Variants in CAPZB observed in about 807,000 individuals in gnomAD.
CAPZB encodes capping actin protein of muscle Z-line subunit beta, also known as F-actin-capping protein subunit beta.
In CAPZB, 2 loss-of-function variants were observed where a neutral mutation model predicts 38.1. The ratio of observed to expected loss-of-function variants is 0.05; its 90% CI spans 0.02 to 0.17. The LOEUF (loss-of-function observed/expected upper bound fraction) is 0.17, where lower values mean the gene tolerates loss of function less well. Among genes scored for constraint, CAPZB ranks in the 10% least tolerant of loss-of-function variants. The pLI is 1.00. For synonymous variants in CAPZB, 107 were observed against 127.4 expected, an observed-to-expected ratio of 0.84 and a Z score of 1.08; for missense variants, 161 against 334.2, an observed-to-expected ratio of 0.48 and a Z score of 4.04.
chr1:19,438,760 C>T (rs1340346031), intron 1 of CAPZB, among the ~76,000 whole-genome samples: 1 of 152,220 alleles, frequency 6.6e-6, no homozygotes, highest in African/African-American at 2.4e-5. Context: ...GATCTCAGCT[C>T]TCTAACACAG....
At chr1:19,406,716 A>G (rs2094334253) in intron 2 of CAPZB, among the ~76,000 whole-genome samples, 1 of 152,156 alleles carries the variant, frequency 6.6e-6, no homozygotes, top group South Asian at 2.1e-4. Flanking sequence ...TAAAAGATCA[A>G]CCTTGTGGTG....
intron 1 of CAPZB, among the ~76,000 whole-genome samples, chr1:19,427,944 T>A (rs1191760953): frequency 1.3e-5 from 2 of 152,224 alleles, no homozygotes; most frequent in East Asian, 3.8e-4. Context: ...AACATAAAAG[T>A]AACCATTCTA....
intron 2 of CAPZB, among the ~76,000 whole-genome samples, chr1:19,401,911 T>C (rs1294096369): frequency 6.6e-6 from 1 of 152,222 alleles, no homozygotes; most frequent in Non-Finnish European, 1.5e-5. Context: ...AAACAGCTAA[T>C]ACCCTTCAAT....
intron 2 of CAPZB, among the ~76,000 whole-genome samples, chr1:19,403,285 C>T (rs2094313124): frequency 6.6e-6 from 1 of 152,190 alleles, no homozygotes; most frequent in Non-Finnish European, 1.5e-5. Flanking sequence ...AGATCCCTGC[C>T]CTCCAAGAGC....
Position 19,484,321 on chromosome 1 carries a change from C to CG in CAPZB, c.3+1114_3+1115insC, listed in dbSNP as rs397727565. On this transcript the variant is annotated intron_variant, in intron 1 of 8. Transcript: ENST00000264202. ...GCTGGATCCAGGGCCTGGTGGCCCCCCAAGGCCACGGCCTCACAAGGGCGA... is the reference window on the plus strand; with the variant it reads ...GCTGGATCCAGGGCCTGGTGGCCCCCGCAAGGCCACGGCCTCACAAGGGCGA... The CG allele has an allele frequency of 1.4e-5, 23 of 1,593,640 alleles. No homozygotes were observed. In the African/African-American group the frequency reaches 1.5e-4, roughly 10 times the overall value.
chr1:19,381,278 G>A (rs542499724), intron 3 of CAPZB, among the ~76,000 whole-genome samples: 33 of 137,440 alleles, frequency 2.4e-4, no homozygotes, highest in Non-Finnish European at 3.9e-4. Flanking sequence ...CACCACAACA[G>A]AACCAACCAC....
intron 2 of CAPZB, among the ~76,000 whole-genome samples, chr1:19,410,781 T>C (rs2094354003): frequency 6.6e-6 from 1 of 152,194 alleles, no homozygotes; most frequent in African/African-American, 2.4e-5. Context: ...ATTTAAGAAA[T>C]GGCATACTAT....
chr1:19,436,693 A>G lies in CAPZB; in HGVS notation c.4-16943T>C, dbSNP rs771529509. Among the ~76,000 whole-genome samples the G allele has an allele frequency of 1.2e-3, 183 of 152,326 alleles. 6 individuals carry two copies. The highest frequency in any genetic ancestry group is 4.8e-4 in the Non-Finnish European group (33 of 68,046). The stretch of plus-strand genomic sequence containing the variant: ...AGCTAAGGAGGGACAACTGCTATAC[A>G]TACATTATACTGTTATTTTAAGGAT... On this transcript the variant is annotated intron_variant, in intron 1 of 8. Transcript: ENST00000264202.
intron 4 of CAPZB, among the ~76,000 whole-genome samples, chr1:19,360,634 G>A (rs964679509): frequency 1.3e-5 from 2 of 152,242 alleles, no homozygotes; most frequent in African/African-American, 4.8e-5. Context: ...GCCCACGGCT[G>A]CTTCCCCTCA....
intron 8 of CAPZB, among the ~76,000 whole-genome samples, chr1:19,343,853 C>A (rs895756590): frequency 6.6e-6 from 1 of 152,184 alleles, no homozygotes; most frequent in Non-Finnish European, 1.5e-5. Context: ...GAGGCTGGGG[C>A]CCCCTGAGAA....
chr1:19,475,470 GGCTCCC>G (rs2094603716), intron 1 of CAPZB, among the ~76,000 whole-genome samples: 1 of 150,158 alleles, frequency 6.7e-6, no homozygotes, highest in Non-Finnish European at 1.5e-5. Flanking sequence ...TTAGGATCAC[GGCTCCC>G]ACCACGGCCA....
chr1:19,410,802 T>C (rs1488506907), intron 2 of CAPZB, among the ~76,000 whole-genome samples: 2 of 152,224 alleles, frequency 1.3e-5, no homozygotes, highest in Non-Finnish European at 2.9e-5. Context: ...AATATTTTCA[T>C]TTGTAAGGCT....
chr1:19,431,222 A>C (rs2094440741), intron 1 of CAPZB, among the ~76,000 whole-genome samples: 1 of 152,194 alleles, frequency 6.6e-6, no homozygotes, highest in Non-Finnish European at 1.5e-5. Flanking sequence ...AAACTTTTTG[A>C]GCGAAGACAT....
At chr1:19,367,652 G>A (rs967398997) in intron 4 of CAPZB, among the ~76,000 whole-genome samples, 18 of 152,172 alleles carry the variant, frequency 1.2e-4, no homozygotes, top group African/African-American at 4.1e-4. Flanking sequence ...GGTATTCAGC[G>A]GAAATTCCTT....
At chr1:19,403,210 G>C (rs1216120517) in intron 2 of CAPZB, among the ~76,000 whole-genome samples, 1 of 152,212 alleles carries the variant, frequency 6.6e-6, no homozygotes, top group Non-Finnish European at 1.5e-5. Context: ...GGCTCAAGTA[G>C]GCATGCACTC....
chr1:19,360,758 C>T (rs986008573), intron 4 of CAPZB, among the ~76,000 whole-genome samples: 2 of 152,218 alleles, frequency 1.3e-5, no homozygotes, highest in African/African-American at 4.8e-5. Context: ...GCCTGGCTCC[C>T]ACTACGGGCA....
intron 4 of CAPZB, among the ~76,000 whole-genome samples, chr1:19,371,571 T>C (rs1191523837): frequency 6.6e-6 from 1 of 152,138 alleles, no homozygotes; most frequent in Non-Finnish European, 1.5e-5. Context: ...CCAAAGCTCT[T>C]TAAAGCCAAG....
rs2094257980 is a variant in CAPZB, at chr1:19,394,920, C to T, written c.94-9294G>A. 6.6e-5 allele frequency among the ~76,000 whole-genome samples: 10 copies of T among 152,120 alleles called. No homozygotes were observed. In the South Asian group the frequency reaches 1.9e-3, roughly 28 times the overall value. Reference sequence around the variant, plus strand: ...CTGGGCTAGCGATGCACGGTCTGATCCTCCCTCATGACGCAGGGAGACAGC... The same window carrying T: ...CTGGGCTAGCGATGCACGGTCTGATTCTCCCTCATGACGCAGGGAGACAGC... On this transcript the variant is annotated intron_variant, in intron 2 of 8. Coordinates refer to ENST00000264202, the MANE Select transcript of CAPZB (RefSeq NM_004930.5).
chr1:19,416,048 C>G (rs2094377614), intron 2 of CAPZB, among the ~76,000 whole-genome samples: 1 of 152,266 alleles, frequency 6.6e-6, no homozygotes, highest in South Asian at 2.1e-4. Flanking sequence ...GGCCTCCACA[C>G]AGCCGGTGAA....
Sources: allele counts gnomAD v4.1 joint callset (sites outside exome capture counted in the v4.1 genomes callset), GRCh38; gene constraint gnomAD v4.1.1; transcripts MANE v1.5; gene names NCBI Gene and HGNC (gene_info 2026-07-23, HGNC 2026-07-21).